NRAP: variants seen among roughly 807,000 people sequenced by gnomAD.
The protein encoded by NRAP is nebulin related anchoring protein.
Under a neutral mutation model 225.9 loss-of-function variants are expected in NRAP, and 189 were observed. That is an observed-to-expected ratio of 0.84 (90% CI 0.74 to 0.94). NRAP has a LOEUF of 0.94. Among genes scored for constraint, NRAP ranks in the 40% least tolerant of loss-of-function variants. The pLI, the probability that NRAP is intolerant of heterozygous loss-of-function variation, is 0.00. For missense variants in NRAP, 2,176 were observed against 2,168.7 expected (o/e 1.00, Z -0.07); for synonymous variants, 769 against 790.7 (o/e 0.97, Z 0.46).
At chr10:113,594,456 C>A (rs1196378281) in intron 38 of NRAP, among the ~76,000 whole-genome samples, 7 of 152,216 alleles carry the variant, frequency 4.6e-5, no homozygotes, top group Admixed American at 4.6e-4. Flanking sequence ...GCCCCAAATG[C>A]ACTGGCAGCT....
At chr10:113,648,129 ATC>A (rs1221133377) in intron 9 of NRAP, among the ~76,000 whole-genome samples, 5 of 151,808 alleles carry the variant, frequency 3.3e-5, no homozygotes, top group Admixed American at 2.6e-4. Context: ...TCACGACTCC[ATC>A]TCTCTGTGGC....
In NRAP at chr10:113,620,632, G is replaced by T. The variant is rs763519063; in HGVS notation, c.2846C>A (p.Ala949Glu). 16 of 1,612,614 alleles carry T rather than the reference G, an allele frequency of 9.9e-6. No individual in the cohort carries two copies. Among genetic ancestry groups the T allele is most frequent in the Admixed American group, 1.7e-5 (1 of 59,956 alleles). The change falls in exon 25 of 42, where the codon GCG becomes GAG. Residue 949 changes from alanine (A) to glutamate (E), a missense_variant. Around this residue, in one of 3 missense-constraint regions of NRAP, gnomAD observed 1,708 missense variants for 1,695.5 expected, o/e 1.01. Transcript: ENST00000359988. ...VATGSLNVEQAKKAGELISEK... is the reference protein window; with the variant it reads ...VATGSLNVEQEKKAGELISEK... ...GCTAATGAGTTCTCCTGCCTTCTTC[G>T]CCTGCTCCACATTTAATGACCCGGT...
chr10:113,590,668 C>T lies in NRAP; in HGVS notation c.4866G>A (p.Val1622=). Residue 1622 remains valine, a synonymous_variant, in exon 40 of 42, where the codon GTG becomes GTA. Coordinates refer to ENST00000359988, the MANE Select transcript of NRAP (RefSeq NM_198060.4). The part of the protein sequence containing the change: ...AKRSQQLASD[V]HYRQPLPQPT... ...GCTGGGGCAGGGGCTGCCTGTAGTG[C>T]ACATCACTGGCCAGCTGCTGGCTCC... The T allele has an allele frequency of 6.2e-7, 1 of 1,614,184 alleles. No individual in the cohort carries two copies. Among genetic ancestry groups the T allele is most frequent in the Non-Finnish European group, 8.5e-7 (1 of 1,180,024 alleles).
At chr10:113,628,890 G>C (rs377208937) in intron 20 of NRAP, 27 bp downstream of exon 20, 310 of 1,340,996 alleles carry the variant, frequency 2.3e-4, no homozygotes, top group Non-Finnish European at 2.9e-4. Context: ...AGGACTACTG[G>C]AGGCCAGAGG....
intron 9 of NRAP, among the ~76,000 whole-genome samples, chr10:113,647,296 C>T (rs1415212257): frequency 6.6e-6 from 1 of 152,148 alleles, no homozygotes; most frequent in African/African-American, 2.4e-5. Flanking sequence ...AAATCAGACA[C>T]TCTACCACTC....
intron 23 of NRAP, among the ~76,000 whole-genome samples, chr10:113,622,786 T>A (rs1848074618): frequency 6.6e-6 from 1 of 152,236 alleles, no homozygotes; most frequent in Non-Finnish European, 1.5e-5. Flanking sequence ...CAAGCCTGTG[T>A]AACTCAAGTG....
chr10:113,594,868 G>A (rs1846199986), intron 38 of NRAP, among the ~76,000 whole-genome samples: 1 of 152,222 alleles, frequency 6.6e-6, no homozygotes, highest in Non-Finnish European at 1.5e-5. Flanking sequence ...AGGCCAGGGA[G>A]GGAAGAATGG....
intron 18 of NRAP, 79 bp from the exon 19 acceptor site, chr10:113,629,864 A>T: frequency 9.9e-7 from 1 of 1,009,868 alleles, no homozygotes; most frequent in Non-Finnish European, 1.5e-6. Context: ...TGCAGGAAAG[A>T]TTTCCGGGCT....
At chr10:113,647,523 CGGTGGT>C (rs1849603396) in intron 9 of NRAP, among the ~76,000 whole-genome samples, 1 of 87,258 alleles carries the variant, frequency 1.1e-5, no homozygotes, top group Non-Finnish European at 2.9e-5. Flanking sequence ...CTGTCTCCCC[CGGTGGT>C]ACTGTCTCCC....
intron 11 of NRAP, among the ~76,000 whole-genome samples, chr10:113,643,556 T>C (rs1412396285): frequency 6.6e-6 from 1 of 152,236 alleles, no homozygotes; most frequent in Non-Finnish European, 1.5e-5. Context: ...ACAAGCAGTA[T>C]AATAAATGAG....
chr10:113,631,910 G>C lies in NRAP; in HGVS notation c.1687C>G (p.Leu563Val), dbSNP rs1164673508. ...KTKGKGFEMK[L>V]DAMSLLAAKA... Reference sequence around the variant, plus strand: ...GCGGCCAGCAGAGACATGGCATCCAGCTTCATCTCAAATCCTTTCCCCTTT... The same window carrying C: ...GCGGCCAGCAGAGACATGGCATCCACCTTCATCTCAAATCCTTTCCCCTTT... The change falls in exon 17 of 42, where the codon CTG becomes GTG. Residue 563 changes from leucine to valine, a missense_variant. Leu to Val is a conservative substitution (Grantham distance 32). Coordinates refer to ENST00000359988, the MANE Select transcript of NRAP (RefSeq NM_198060.4). 6.2e-7 allele frequency: 1 copy of C among 1,613,792 alleles called. No homozygotes were observed. The highest frequency in any genetic ancestry group is 8.5e-7 in the Non-Finnish European group (1 of 1,179,690).
chr10:113,640,301 T>C lies in NRAP; in HGVS notation c.1354A>G (p.Ile452Val). Residue 452 changes from isoleucine (I) to valine (V), a missense_variant, in exon 14 of 42, where the codon ATT (isoleucine) becomes GTT (valine). Physicochemically the swap from Ile to Val is conservative, Grantham distance 29 (BLOSUM62 3). Transcript: ENST00000359988. ...VAYKADYKHD[I>V]VDYNYPATLT... Reference sequence around the variant, plus strand: ...GTGGCTGGGTAGTTGTAGTCGACAATATCATGTTTATAATCAGCTTTGTAG... The same window carrying C: ...GTGGCTGGGTAGTTGTAGTCGACAACATCATGTTTATAATCAGCTTTGTAG... 1 of 1,599,652 alleles carries C rather than the reference T, an allele frequency of 6.3e-7. No homozygotes were observed. Among genetic ancestry groups the C allele is most frequent in the East Asian group, 2.3e-5 (1 of 43,170 alleles).
At chr10:113,593,588 A>G (rs1379566020) in intron 38 of NRAP, among the ~76,000 whole-genome samples, 1 of 152,224 alleles carries the variant, frequency 6.6e-6, no homozygotes, top group African/African-American at 2.4e-5. Flanking sequence ...CTGATGAATC[A>G]CAGAGCCAAA....
intron 32 of NRAP, among the ~76,000 whole-genome samples, chr10:113,606,691 A>C (rs534101279): frequency 1.3e-4 from 20 of 152,338 alleles, no homozygotes; most frequent in African/African-American, 4.8e-4. Context: ...CTAAAGCCCC[A>C]GGATCCTTTC....
rs766207015 is a variant in NRAP, at chr10:113,614,839, A to G, written c.3186T>C (p.Asp1062=). 3.2e-6 allele frequency: 5 copies of G among 1,568,618 alleles called. No individual in the cohort carries two copies. The South Asian group carries it at 5.5e-5, about 17-fold the overall frequency. The change falls in exon 28 of 42, where the codon GAT becomes GAC. Residue 1062 remains aspartate, a splice_region_variant and synonymous_variant. Transcript: ENST00000359988. The part of the protein sequence containing the change: ...AAKASGEIIS[D]YKYKEAFEKM... ...CACAAGAATGGGGGTGAATGCTCAC[A>G]TCACTTATGATTTCACCAGAAGCCT... is the stretch of plus-strand genomic sequence containing the variant.
chr10:113,609,610 T>C (rs1489456084), intron 31 of NRAP, among the ~76,000 whole-genome samples: 2 of 152,202 alleles, frequency 1.3e-5, no homozygotes, highest in Non-Finnish European at 2.9e-5. Context: ...AGTAACCATT[T>C]CATATACAGC....
intron 10 of NRAP, among the ~76,000 whole-genome samples, 169 bp from the exon 11 acceptor site, chr10:113,646,110 T>C (rs1201360010): frequency 2.0e-5 from 3 of 152,228 alleles, no homozygotes; most frequent in Non-Finnish European, 1.5e-5. Flanking sequence ...TAAACTACTT[T>C]GTCCTTTTTT....
At position 113,620,606 on chromosome 10, in the gene NRAP, C is replaced by A; in HGVS notation, c.2872G>T (p.Glu958Ter). ...QAKKAGELIS[E>*]KKYRQHPDAL... ...TACAGGCTGTCAGGAAATCTCACCT[C>A]GCTAATGAGTTCTCCTGCCTTCTTC... The change falls in exon 25 of 42, where the codon GAG (glutamate) becomes TAG (stop). Residue 958 changes from glutamate to a stop codon, truncating the protein, a stop_gained and splice_region_variant. Coordinates refer to ENST00000359988, the MANE Select transcript of NRAP (RefSeq NM_198060.4). LOFTEE classifies it high-confidence loss of function. The A allele has an allele frequency of 6.2e-7, 1 of 1,600,596 alleles. No individual in the cohort carries two copies. Among genetic ancestry groups the A allele is most frequent in the Non-Finnish European group, 8.6e-7 (1 of 1,167,732 alleles).
rs752624620 is a variant in NRAP at position 113,589,085 on chromosome 10, G to GAAATC, written c.5089-11_5089-7dup. The GAAATC allele has an allele frequency of 1.2e-6, 2 of 1,612,190 alleles. No individual in the cohort carries two copies. Among genetic ancestry groups the GAAATC allele is most frequent in the Non-Finnish European group, 1.7e-6 (2 of 1,178,712 alleles). On this transcript the variant is annotated splice_region_variant and splice_polypyrimidine_tract_variant and intron_variant, in intron 41 of 41. Transcript: ENST00000359988. ...TCCACTGCTTCTGCCCCCCGCTGCT[G>GAAATC]AAATCAAACATACCCCAAGTTAAAA...
Sources: gnomAD v4.1 joint callset for allele counts (sites outside exome capture counted in the v4.1 genomes callset) on GRCh38, gnomAD v4.1.1 for gene constraint, gnomAD v4.1.1 regional missense constraint, MANE v1.5 for transcripts, NCBI Gene and HGNC (gene_info 2026-07-23, HGNC 2026-07-21) for gene names.